Variants in TMEM116 observed in about 807,000 individuals in gnomAD.
The protein encoded by TMEM116 is transmembrane protein 116.
A neutral mutation model predicts 44.3 loss-of-function variants in TMEM116; 38 were observed. That is an observed-to-expected ratio of 0.86 (90% CI 0.66 to 1.12). TMEM116 has a LOEUF of 1.12. Ranked by LOEUF, TMEM116 falls within the 50% of genes most tolerant of loss-of-function variation. The pLI, the probability that TMEM116 is intolerant of heterozygous loss-of-function variation, is 0.00. For missense variants in TMEM116, 354 were observed against 401.7 expected (o/e 0.88, Z 1.01); for synonymous variants, 132 against 144.8 (o/e 0.91, Z 0.64).
At chr12:111,960,431 G>A (rs534324796) in intron 4 of TMEM116, among the ~76,000 whole-genome samples, 1 of 142,090 alleles carries the variant, frequency 7.0e-6, no homozygotes, top group Non-Finnish European at 1.5e-5. Flanking sequence ...GGCAGAGCTT[G>A]CAGTGAGCCG....
At chr12:111,991,613 A>T in intron 4 of TMEM116, 145 bp downstream of exon 4, 1 of 740,802 alleles carries the variant, frequency 1.3e-6, no homozygotes, top group Non-Finnish European at 2.0e-6. Flanking sequence ...TAGTGTTTTT[A>T]ATATGAAAAA....
At chr12:111,969,293 C>A (rs2075179623) in intron 4 of TMEM116, among the ~76,000 whole-genome samples, 1 of 140,688 alleles carries the variant, frequency 7.1e-6, no homozygotes, top group Non-Finnish European at 1.5e-5. Context: ...GCACTCCAGG[C>A]TGGGCAACAA....
At chr12:112,012,755 A>G (rs892332762) in intron 1 of TMEM116, 4 of 152,376 alleles carry the variant, frequency 2.6e-5, no homozygotes, top group Non-Finnish European at 5.9e-5. Context: ...CTACCTGCGG[A>G]ACAGAATGAT....
intron 4 of TMEM116, among the ~76,000 whole-genome samples, chr12:111,945,343 CAAAAAAA>C (rs917839133): frequency 3.0e-5 from 1 of 33,814 alleles, no homozygotes; most frequent in African/African-American, 7.5e-5. Flanking sequence ...GACTCCATCT[CAAAAAAA>C]AAAAAAAAAA....
chr12:111,939,707 G>A (rs1009279371), intron 5 of TMEM116, among the ~76,000 whole-genome samples: 6 of 150,614 alleles, frequency 4.0e-5, no homozygotes, highest in Admixed American at 2.0e-4. Flanking sequence ...ACACATCTGC[G>A]GTCCCAGCAA....
At chr12:112,009,839 G>C (rs1473829667) in intron 1 of TMEM116, among the ~76,000 whole-genome samples, 1 of 147,248 alleles carries the variant, frequency 6.8e-6, no homozygotes, top group African/African-American at 2.5e-5. Flanking sequence ...AAGTGACTCT[G>C]TCTCAAAAAA....
At chr12:111,986,963 G>A (rs547873348) in intron 4 of TMEM116, among the ~76,000 whole-genome samples, 17 of 152,062 alleles carry the variant, frequency 1.1e-4, no homozygotes, top group East Asian at 1.9e-4. Flanking sequence ...AAAATATAGC[G>A]TAAAAGCTTC....
rs535946485 is a variant in TMEM116, at chr12:112,004,645, G to C, written c.14+612C>G. Among the ~76,000 whole-genome samples the C allele has an allele frequency of 1.9e-3, 286 of 150,388 alleles. 6 individuals are homozygous for C. Among genetic ancestry groups the C allele is most frequent in the East Asian group, 4.5e-3 (23 of 5,092 alleles). On this transcript the variant is annotated intron_variant, in intron 2 of 10. Transcript: ENST00000552374. The stretch of plus-strand genomic sequence containing the variant: ...ATTTGCACATTCTCCTTATCCAGAG[G>C]CCATGCCAATCTTTTTTTTTTTTAA...
chr12:111,979,171 G>C (rs1313057959), intron 4 of TMEM116, among the ~76,000 whole-genome samples: 1 of 152,018 alleles, frequency 6.6e-6, no homozygotes, highest in African/African-American at 2.4e-5. Flanking sequence ...GTATTCAAAT[G>C]AATACATGTA....
intron 4 of TMEM116, among the ~76,000 whole-genome samples, chr12:111,963,516 C>G (rs2074758581): frequency 6.6e-6 from 1 of 152,142 alleles, no homozygotes; most frequent in East Asian, 1.9e-4. Flanking sequence ...AGTTTATGTC[C>G]TTTGCAGGGA....
intron 4 of TMEM116, among the ~76,000 whole-genome samples, chr12:111,955,488 T>TA (rs1400476439): frequency 1.3e-5 from 2 of 152,162 alleles, no homozygotes; most frequent in Non-Finnish European, 2.9e-5. Flanking sequence ...TCTAAGGGAA[T>TA]AAAAAAATCT....
intron 4 of TMEM116, among the ~76,000 whole-genome samples, chr12:111,989,341 T>C (rs1443783981): frequency 6.6e-6 from 1 of 152,156 alleles, no homozygotes; most frequent in Non-Finnish European, 1.5e-5. Flanking sequence ...CAGGAAAGTA[T>C]GGAGGGAATT....
At chr12:111,940,544 TACAC>T (rs201721660) in intron 5 of TMEM116, among the ~76,000 whole-genome samples, 8 of 84,526 alleles carry the variant, frequency 9.5e-5, no homozygotes, top group African/African-American at 4.2e-4. Flanking sequence ...TATATATATA[TACAC>T]ACACACATAT....
At chr12:111,942,382 C>T (rs958790147) in intron 5 of TMEM116, among the ~76,000 whole-genome samples, 2 of 152,278 alleles carry the variant, frequency 1.3e-5, no homozygotes, top group Non-Finnish European at 2.9e-5. Context: ...ATGCCATTCT[C>T]CTGCCTCAGC....
At chr12:111,940,550 CACACATATATATGTGTGTATATATAT>C (rs2072712614) in intron 5 of TMEM116, among the ~76,000 whole-genome samples, 1 of 127,708 alleles carries the variant, frequency 7.8e-6, no homozygotes, top group African/African-American at 3.2e-5. Flanking sequence ...TATATACACA[CACACATATATATGTGTGTATATATAT>C]ATATATATCT....
At chr12:111,949,449 T>C (rs2073545314) in intron 4 of TMEM116, among the ~76,000 whole-genome samples, 1 of 152,202 alleles carries the variant, frequency 6.6e-6, no homozygotes, top group Admixed American at 6.5e-5. Flanking sequence ...AAGTCTAAAG[T>C]CTGCCTTCAT....
At chr12:112,001,986 C>T (rs541401719) in intron 3 of TMEM116, among the ~76,000 whole-genome samples, 43 of 152,252 alleles carry the variant, frequency 2.8e-4, no homozygotes, top group Admixed American at 2.8e-3. Context: ...AGGAAAGTCC[C>T]CTAACCTTAC....
At chr12:111,957,222 G>C (rs1251503770) in intron 4 of TMEM116, among the ~76,000 whole-genome samples, 2 of 152,026 alleles carry the variant, frequency 1.3e-5, no homozygotes, top group African/African-American at 4.8e-5. Flanking sequence ...GGGATGTGGG[G>C]AGCACCTCTG....
rs199977734 is a variant in TMEM116 at position 111,940,474 on chromosome 12, T to TACACACACACAC, written c.316-2265_316-2264insGTGTGTGTGTGT. Reference sequence around the variant, plus strand: ...ATCTCCTGCCCCCCACATATATATATATACATACACACACACACACACACA... The same window carrying TACACACACACAC: ...ATCTCCTGCCCCCCACATATATATATACACACACACACATACATACACACACACACACACACA... On this transcript the variant is annotated intron_variant, in intron 5 of 10. Transcript: ENST00000552374. Among the ~76,000 whole-genome samples the TACACACACACAC allele has an allele frequency of 3.1e-3, 328 of 106,970 alleles. 4 individuals are homozygous for TACACACACACAC. Among genetic ancestry groups the TACACACACACAC allele is most frequent in the African/African-American group, 8.1e-3 (197 of 24,204 alleles). 70.2% of individuals were successfully genotyped at this position (106,970 alleles called of 152,430 possible). A position where few individuals can be genotyped will look rare whatever the true frequency, so the allele number is the denominator to read the frequency against.
Sources: gnomAD v4.1 joint callset for allele counts (sites outside exome capture counted in the v4.1 genomes callset) on GRCh38, gnomAD v4.1.1 for gene constraint, MANE v1.5 for transcripts, NCBI Gene and HGNC (gene_info 2026-07-23, HGNC 2026-07-21) for gene names.